Variants in TTLL5 observed in about 807,000 individuals in gnomAD.
TTLL5 encodes tubulin polyglutamylase TTLL5.
Under a neutral mutation model 168.4 loss-of-function variants are expected in TTLL5, and 132 were observed. The ratio of observed to expected loss-of-function variants is 0.78; its 90% CI spans 0.68 to 0.91. The LOEUF is 0.91. Among genes scored for constraint, TTLL5 ranks in the 40% least tolerant of loss-of-function variants. TTLL5 has a pLI of 0.00. For missense variants in TTLL5, 1,545 were observed against 1,581.5 expected (o/e 0.98, Z 0.39); for synonymous variants, 546 against 558.6 (o/e 0.98, Z 0.32).
At chr14:75,781,100 C>T (rs553900804) in intron 24 of TTLL5, among the ~76,000 whole-genome samples, 1 of 152,044 alleles carries the variant, frequency 6.6e-6, no homozygotes, top group South Asian at 2.1e-4. Context: ...GAAAAGCGTG[C>T]TAATTTGGGG....
intron 13 of TTLL5, 48 bp downstream of exon 13, chr14:75,732,467 T>A: frequency 6.7e-7 from 1 of 1,500,952 alleles, no homozygotes. Flanking sequence ...CAAGTAGTAC[T>A]TAAAGCACTT....
chr14:75,784,329 G>T (rs902127723), intron 26 of TTLL5, among the ~76,000 whole-genome samples: 34 of 152,118 alleles, frequency 2.2e-4, no homozygotes, highest in African/African-American at 8.2e-4. Flanking sequence ...TCTGGACATT[G>T]TATATAAGTA....
At chr14:75,718,289 C>T (rs1431369822) in intron 10 of TTLL5, among the ~76,000 whole-genome samples, 1 of 152,270 alleles carries the variant, frequency 6.6e-6, no homozygotes, top group Middle Eastern at 3.4e-3. Flanking sequence ...GTCATTTCAG[C>T]ACTTGGCAAA....
intron 15 of TTLL5, chr14:75,737,485 T>G (rs751933783): frequency 5.0e-5 from 71 of 1,407,986 alleles, no homozygotes; most frequent in Non-Finnish European, 6.4e-5. Context: ...TTTCCTTTTT[T>G]ATATCATAGA....
At chr14:75,931,432 C>A (rs2034273015) in intron 31 of TTLL5, among the ~76,000 whole-genome samples, 1 of 152,214 alleles carries the variant, frequency 6.6e-6, no homozygotes, top group African/African-American at 2.4e-5. Context: ...AAATATCCCT[C>A]AGTTAACAAC....
chr14:75,689,514 G>T (rs370812129), intron 5 of TTLL5: 1 of 152,168 alleles, frequency 6.6e-6, no homozygotes, highest in Admixed American at 6.5e-5. Context: ...TTACAAAAAC[G>T]TACATTCATA....
chr14:75,718,099 C>A, intron 10 of TTLL5, 137 bp downstream of exon 10: 1 of 734,276 alleles, frequency 1.4e-6, no homozygotes, highest in Non-Finnish European at 2.3e-6. Context: ...ATCTGTCAGT[C>A]ATATAACAGT....
Position 75,682,885 on chromosome 14 carries a change from G to A in TTLL5, c.265-665G>A, listed in dbSNP as rs146330810. ...GGGCTCAAGTGATTCTCCTGCCTCA[G>A]CCTCCCAAGTAGTTGGTACTACAGG... is the stretch of plus-strand genomic sequence containing the variant. On this transcript the variant is annotated intron_variant, in intron 4 of 31. Transcript: ENST00000298832. Among the ~76,000 whole-genome samples the A allele has an allele frequency of 4.1e-3, 619 of 151,866 alleles. 4 individuals are homozygous for A. The highest frequency in any genetic ancestry group is 0.011 in the East Asian group (57 of 5,160).
intron 4 of TTLL5, among the ~76,000 whole-genome samples, chr14:75,682,757 T>G (rs551386270): frequency 1.5e-3 from 223 of 151,982 alleles, no homozygotes; most frequent in Middle Eastern, 3.4e-3. Context: ...TGAGGAAGTT[T>G]TTTTTTTTTT....
rs1004564669 is a variant in TTLL5 at position 75,890,850 on chromosome 14, G to A, written c.3740+7948G>A. Among the ~76,000 whole-genome samples the A allele has an allele frequency of 3.9e-5, 6 of 152,280 alleles. No individual in the cohort carries two copies. In the South Asian group the frequency reaches 1.2e-3, roughly 32 times the overall value. ...TACTCCTGCCTCAGCCTCCAGAGTA[G>A]CTGGGACTACAGGCATGCACCACCA... On this transcript the variant is annotated intron_variant, in intron 30 of 31. Coordinates refer to ENST00000298832, the MANE Select transcript of TTLL5 (RefSeq NM_015072.5).
intron 29 of TTLL5, among the ~76,000 whole-genome samples, chr14:75,878,235 A>T (rs2031603492): frequency 6.6e-6 from 1 of 152,204 alleles, no homozygotes; most frequent in Admixed American, 6.5e-5. Context: ...CTTATAACAG[A>T]ACCCTCTCTA....
chr14:75,912,072 G>A (rs893648515), intron 31 of TTLL5, among the ~76,000 whole-genome samples: 3 of 143,022 alleles, frequency 2.1e-5, no homozygotes, highest in Non-Finnish European at 3.1e-5. Flanking sequence ...AGCCCATCCC[G>A]TGGCCAGGTC....
intron 1 of TTLL5, among the ~76,000 whole-genome samples, chr14:75,662,005 C>T (rs1480411342): frequency 3.9e-5 from 6 of 152,088 alleles, no homozygotes; most frequent in African/African-American, 1.2e-4. Context: ...TTTGTAGTTC[C>T]TATTTCTTCT....
intron 2 of TTLL5, among the ~76,000 whole-genome samples, chr14:75,667,933 G>C (rs1488718354): frequency 6.6e-6 from 1 of 151,812 alleles, no homozygotes; most frequent in Non-Finnish European, 1.5e-5. Context: ...GCTAATTTTT[G>C]TATTTTTAGT....
At chr14:75,863,552 AT>A in intron 28 of TTLL5, 114 bp from the exon 29 acceptor site, 1 of 1,019,170 alleles carries the variant, frequency 9.8e-7, no homozygotes, top group Non-Finnish European at 1.4e-6. Flanking sequence ...TAGATTTGTA[AT>A]TCCAAACTGT....
intron 27 of TTLL5, among the ~76,000 whole-genome samples, chr14:75,798,427 TTTGTA>T (rs1272728407): frequency 6.6e-6 from 1 of 152,098 alleles, no homozygotes; most frequent in Admixed American, 6.5e-5. Flanking sequence ...TCATTTATCT[TTTGTA>T]TTGGGTTTTT....
At chr14:75,689,222 A>T (rs1885280154) in intron 5 of TTLL5, among the ~76,000 whole-genome samples, 1 of 152,222 alleles carries the variant, frequency 6.6e-6, no homozygotes, top group Admixed American at 6.5e-5. Flanking sequence ...GTGATGAGCC[A>T]TCTGGAAGTT....
intron 17 of TTLL5, 90 bp downstream of exon 17, chr14:75,745,671 T>A (rs1160173748): frequency 2.0e-6 from 2 of 990,216 alleles, no homozygotes; most frequent in African/African-American, 1.7e-5. Flanking sequence ...CTCCCCCCGA[T>A]GATGCTTTTC....
chr14:75,799,188 A>G (rs1030899260), intron 27 of TTLL5, among the ~76,000 whole-genome samples: 2 of 152,082 alleles, frequency 1.3e-5, no homozygotes, highest in South Asian at 2.1e-4. Context: ...ATATTTTCCT[A>G]TTGGACTAGT....
Sources: gnomAD v4.1 joint callset for allele counts (sites outside exome capture counted in the v4.1 genomes callset) on GRCh38, gnomAD v4.1.1 for gene constraint, MANE v1.5 for transcripts, NCBI Gene and HGNC (gene_info 2026-07-23, HGNC 2026-07-21) for gene names.